SLU7: variants seen among roughly 807,000 people sequenced by gnomAD.
SLU7 encodes the protein pre-mRNA-splicing factor SLU7.
SLU7 carries 60 observed loss-of-function variants against 87.0 expected under a neutral mutation model. The ratio of observed to expected loss-of-function variants is 0.69; its 90% CI spans 0.56 to 0.86. The LOEUF (loss-of-function observed/expected upper bound fraction) is 0.86. Among genes scored for constraint, SLU7 ranks in the 40% least tolerant of loss-of-function variants. SLU7 has a pLI of 0.00. For synonymous variants in SLU7, 197 were observed against 222.0 expected, an observed-to-expected ratio of 0.89 and a Z score of 1.00; for missense variants, 507 against 686.6, an observed-to-expected ratio of 0.74 and a Z score of 2.92.
intron 6 of SLU7, among the ~76,000 whole-genome samples, chr5:160,410,360 A>T (rs551641112): frequency 6.6e-6 from 1 of 152,308 alleles, no homozygotes; most frequent in East Asian, 1.9e-4. Context: ...ATTTACATAC[A>T]TTTCTATAGT....
intron 6 of SLU7, among the ~76,000 whole-genome samples, chr5:160,409,639 T>C (rs1765151941): frequency 6.6e-6 from 1 of 152,194 alleles, no homozygotes; most frequent in Non-Finnish European, 1.5e-5. Flanking sequence ...ATGTGCAGTG[T>C]TGTATATGTG....
chr5:160,406,366 A>C, intron 12 of SLU7, 102 bp downstream of exon 12: 1 of 902,406 alleles, frequency 1.1e-6, no homozygotes, highest in Non-Finnish European at 1.5e-6. Flanking sequence ...TTTTTTTTAA[A>C]GCATAGAGAA....
At chr5:160,415,458 A>G (rs2910190) in intron 1 of SLU7, 148 bp from the exon 2 acceptor site, 335,679 of 477,908 alleles carry the variant, frequency 0.7, 120,021 homozygotes, top group Admixed American at 0.75. Context: ...CCCCCTCCTC[A>G]AGGTCTCTAC....
In SLU7 at chr5:160,414,329, C is replaced by A; in HGVS notation, c.314G>T (p.Gly105Val). 1 of 1,601,248 alleles carries A rather than the reference C, an allele frequency of 6.2e-7. No individual in the cohort carries two copies. Among genetic ancestry groups the A allele is most frequent in the South Asian group, 1.1e-5 (1 of 88,624 alleles). ...AGGTTGCCTACATACCTCTTTTACA[C>A]CCCTCTTGTACCATTCTCCAGATGA... ...FSSSGEWYKR[G>V]VKENSIITKY... The change falls in exon 3 of 16, where the codon GGT (glycine) becomes GTT (valine). Residue 105 changes from glycine to valine, a missense_variant. Physicochemically the swap from Gly to Val is moderately radical, Grantham distance 109. Transcript: ENST00000297151.
intron 6 of SLU7, 34 bp downstream of exon 6, chr5:160,412,417 T>G (rs769217952): frequency 2.4e-6 from 3 of 1,250,000 alleles, no homozygotes; most frequent in Non-Finnish European, 3.5e-6. Flanking sequence ...TTAAAAGAAA[T>G]AAAACCTTTT....
Position 160,403,439 on chromosome 5 carries a change from A to G in SLU7, c.1607T>C (p.Leu536Pro). ...KKALNAEEAR[L>P]LHVKETMQID... ...CTGCATGGTCTCCTTGACATGAAGAAGGCGGGCCTCCTCTGCGTTCAGTGC... is the reference window on the plus strand; with the variant it reads ...CTGCATGGTCTCCTTGACATGAAGAGGGCGGGCCTCCTCTGCGTTCAGTGC... The change falls in exon 16 of 16, where the codon CTT becomes CCT. Residue 536 changes from leucine to proline, a missense_variant. Physicochemically the swap from Leu to Pro is moderately conservative, Grantham distance 98. This residue lies in a region of SLU7 where 201 missense variants were observed against 213.4 expected (regional missense o/e 0.94). Coordinates refer to ENST00000297151, the MANE Select transcript of SLU7 (RefSeq NM_006425.5). 1 of 1,610,878 alleles carries G rather than the reference A, an allele frequency of 6.2e-7. No individual in the cohort carries two copies. Among genetic ancestry groups the G allele is most frequent in the African/African-American group, 1.3e-5 (1 of 74,860 alleles).
At chr5:160,414,201 T>C (rs1027587787) in intron 3 of SLU7, 118 bp downstream of exon 3, 8 of 848,454 alleles carry the variant, frequency 9.4e-6, no homozygotes, top group Non-Finnish European at 1.4e-5. Context: ...TGAATTTCAA[T>C]ACCAGATAAA....
At position 160,402,010 on chromosome 5, in the gene SLU7, A is replaced by ACT. The variant is rs10626933; in HGVS notation, c.*1273_*1274dup. ...TTGTTAGGCTGTTTTCACTGATTCT[A>ACT]CTGTCAGTATTATCTTCACAGTGTT... is the stretch of plus-strand genomic sequence containing the variant. On this transcript the variant is annotated 3_prime_UTR_variant, in exon 16 of 16. Coordinates refer to ENST00000297151, the MANE Select transcript of SLU7 (RefSeq NM_006425.5). 0.85 allele frequency: 129,374 copies of ACT among 152,042 alleles called. 55,464 individuals are homozygous for ACT. Among genetic ancestry groups the ACT allele is most frequent in the African/African-American group, 0.91 (37,940 of 41,488 alleles). 9.4% of individuals were successfully genotyped at this position (152,042 alleles called of 1,614,324 possible). A position where few individuals can be genotyped will look rare whatever the true frequency, so the allele number is the denominator to read the frequency against.
At position 160,402,659 on chromosome 5, in the gene SLU7, T is replaced by A. The variant is rs1401684148; in HGVS notation, c.*626A>T. ...CGAAGCAATAAAGTTTGAAGCTTAA[T>A]AAATACAGAGAAAGAGACATTCTTA... On this transcript the variant is annotated 3_prime_UTR_variant, in exon 16 of 16. Transcript: ENST00000297151. The A allele has an allele frequency of 6.6e-6, 1 of 152,118 alleles. No homozygotes were observed. The highest frequency in any genetic ancestry group is 1.5e-5 in the Non-Finnish European group (1 of 68,022). The allele number at this position is 152,118 out of a possible 1,614,324, so 9.4% of individuals were successfully genotyped here. A position where few individuals can be genotyped will look rare whatever the true frequency, so the allele number is the denominator to read the frequency against.
intron 7 of SLU7, 80 bp downstream of exon 7, chr5:160,408,569 GC>G: frequency 7.1e-7 from 1 of 1,400,842 alleles, no homozygotes; most frequent in Non-Finnish European, 9.9e-7. Context: ...TTCTTTAAAA[GC>G]TATTATTAGT....
intron 6 of SLU7, among the ~76,000 whole-genome samples, chr5:160,411,165 C>T (rs941102791): frequency 2.6e-5 from 4 of 152,098 alleles, no homozygotes; most frequent in Non-Finnish European, 4.4e-5. Context: ...CGCGCCCGGC[C>T]GGCAAATTCA....
chr5:160,406,407 G>A, intron 12 of SLU7, 61 bp downstream of exon 12: 1 of 1,279,398 alleles, frequency 7.8e-7, no homozygotes. Context: ...AGTTGTAGTG[G>A]AAAAATGCAA....
intron 12 of SLU7, among the ~76,000 whole-genome samples, chr5:160,405,804 G>A (rs79541090): frequency 0.065 from 9,920 of 152,180 alleles, 406 homozygotes; most frequent in Middle Eastern, 0.19. Flanking sequence ...TACAGAATAT[G>A]AGACAATTTA....
rs557509368 is a variant in SLU7, at chr5:160,417,958, CCTT to C, written c.-17+1062_-17+1064del. ...CTTCCTTCTCTACTAACTACATAGA[CCTT>C]CTTGTAGTTCCTCTAGTTCCTCTAA... On this transcript the variant is annotated intron_variant, in intron 1 of 15. Coordinates refer to ENST00000297151, the MANE Select transcript of SLU7 (RefSeq NM_006425.5). Among the ~76,000 whole-genome samples the C allele has an allele frequency of 3.1e-3, 471 of 152,294 alleles. 4 individuals carry two copies. Among genetic ancestry groups the C allele is most frequent in the African/African-American group, 0.01 (430 of 41,556 alleles).
At chr5:160,405,205 G>A in intron 12 of SLU7, 70 bp from the exon 13 acceptor site, 2 of 1,075,500 alleles carry the variant, frequency 1.9e-6, no homozygotes, top group South Asian at 1.3e-5. Context: ...CTGTTGATAA[G>A]AGTATAAAAT....
chr5:160,407,336 A>G lies in SLU7; in HGVS notation c.1125+140T>C. On this transcript the variant is annotated intron_variant, in intron 11 of 15. Transcript: ENST00000297151. This position sits in a 1 kb window ranked among gnomAD's most constrained non-coding sequence, Gnocchi z 4.2. ...GCTCATACAAAATTACCATCTGACT[A>G]AGAGAAAGGAAGAAAAGGACTATTC... is the stretch of plus-strand genomic sequence containing the variant. 2 of 699,008 alleles carry G rather than the reference A, an allele frequency of 2.9e-6. No individual in the cohort carries two copies. The highest frequency in any genetic ancestry group is 4.6e-6 in the Non-Finnish European group (2 of 434,522). The allele number at this position is 699,008 out of a possible 1,614,324, so 43.3% of individuals were successfully genotyped here.
intron 6 of SLU7, among the ~76,000 whole-genome samples, chr5:160,412,037 C>T (rs1169228928): frequency 6.6e-6 from 1 of 152,046 alleles, no homozygotes; most frequent in Admixed American, 6.5e-5. Flanking sequence ...TTGAGAAATG[C>T]CATTTTAAGA....
At chr5:160,405,489 G>C (rs1036593052) in intron 12 of SLU7, among the ~76,000 whole-genome samples, 4 of 152,194 alleles carry the variant, frequency 2.6e-5, no homozygotes, top group Non-Finnish European at 4.4e-5. Flanking sequence ...GTGTTCTCCA[G>C]TTTGTACAAT....
Position 160,402,392 on chromosome 5 carries a change from C to T in SLU7, c.*893G>A, listed in dbSNP as rs1764818587. ...GTTGTTTTCCATTCAAAGACTAACA[C>T]ATTTAGTCTACTCCAGAGGCCAAGG... is the stretch of plus-strand genomic sequence containing the variant. On this transcript the variant is annotated 3_prime_UTR_variant, in exon 16 of 16. Transcript: ENST00000297151. 6.6e-6 allele frequency: 1 copy of T among 152,170 alleles called. No homozygotes were observed. Among genetic ancestry groups the T allele is most frequent in the Non-Finnish European group, 1.5e-5 (1 of 68,034 alleles). The allele number at this position is 152,170 out of a possible 1,614,324, so 9.4% of individuals were successfully genotyped here.
Sources: allele counts gnomAD v4.1 joint callset (sites outside exome capture counted in the v4.1 genomes callset), GRCh38; gene constraint gnomAD v4.1.1; regional missense constraint gnomAD v4.1.1; non-coding constraint Gnocchi (gnomAD v3.1); transcripts MANE v1.5; gene names NCBI Gene and HGNC (gene_info 2026-07-23, HGNC 2026-07-21).